Variants in ARL15 observed in about 807,000 individuals in gnomAD.
The protein encoded by ARL15 is ADP-ribosylation factor-like protein 15.
A neutral mutation model predicts 25.2 loss-of-function variants in ARL15; 19 were observed. The observed-to-expected ratio is 0.75, with a 90% CI of 0.53 to 1.10. The LOEUF (loss-of-function observed/expected upper bound fraction) is 1.10, where lower values mean the gene tolerates loss of function less well. ARL15 is among the 50% of genes least tolerant of loss of function. ARL15 has a pLI of 0.00. For missense variants in ARL15, 220 were observed against 246.0 expected (o/e 0.89, Z 0.71); for synonymous variants, 94 against 86.8 (o/e 1.08, Z -0.46).
At chr5:54,179,235 A>T (rs1307700855) in intron 1 of ARL15, among the ~76,000 whole-genome samples, 1 of 152,120 alleles carries the variant, frequency 6.6e-6, no homozygotes, top group Admixed American at 6.5e-5. Context: ...AAGAAAATGT[A>T]CCCGAGAGCT....
At chr5:53,964,370 A>T (rs949002195) in intron 4 of ARL15, among the ~76,000 whole-genome samples, 2 of 151,816 alleles carry the variant, frequency 1.3e-5, no homozygotes, top group African/African-American at 4.8e-5. Flanking sequence ...TTATTTATTT[A>T]TTTTTTTGAG....
At chr5:54,264,908 C>T (rs1193875075) in intron 1 of ARL15, among the ~76,000 whole-genome samples, 1 of 152,050 alleles carries the variant, frequency 6.6e-6, no homozygotes, top group Non-Finnish European at 1.5e-5. Context: ...GTTTACTTAC[C>T]ATCTTTATTG....
At chr5:53,971,938 A>G (rs1561171154) in intron 4 of ARL15, among the ~76,000 whole-genome samples, 1 of 152,238 alleles carries the variant, frequency 6.6e-6, no homozygotes, top group Non-Finnish European at 1.5e-5. Flanking sequence ...ATCATCTATT[A>G]TGCATACTGA....
chr5:54,134,640 A>G (rs1753545568), intron 3 of ARL15, among the ~76,000 whole-genome samples: 1 of 114,998 alleles, frequency 8.7e-6, no homozygotes, highest in Non-Finnish European at 1.6e-5. Flanking sequence ...GCTGGAGTGC[A>G]GTGGCACAAT....
intron 1 of ARL15, among the ~76,000 whole-genome samples, chr5:54,209,219 C>T (rs955770852): frequency 2.6e-5 from 4 of 151,660 alleles, no homozygotes; most frequent in African/African-American, 4.8e-5. Flanking sequence ...GAGAAAAGAG[C>T]GAAATCCTCA....
chr5:53,994,003 T>C (rs1291434429), intron 4 of ARL15, among the ~76,000 whole-genome samples: 1 of 152,196 alleles, frequency 6.6e-6, no homozygotes, highest in East Asian at 1.9e-4. Context: ...AGTAAGTTCA[T>C]GCGTCCTAAC....
chr5:53,961,342 AC>A (rs1300205732), intron 4 of ARL15, among the ~76,000 whole-genome samples: 12 of 151,982 alleles, frequency 7.9e-5, no homozygotes, highest in African/African-American at 2.9e-4. Context: ...TACTAAAAAT[AC>A]AAAAATTAGC....
chr5:53,888,096 C>A (rs1379820443), intron 4 of ARL15, among the ~76,000 whole-genome samples: 1 of 151,428 alleles, frequency 6.6e-6, no homozygotes, highest in Non-Finnish European at 1.5e-5. Flanking sequence ...AAAAAAAAAA[C>A]CTGTGAGAAT....
intron 2 of ARL15, among the ~76,000 whole-genome samples, chr5:54,162,082 G>C (rs1188479333): frequency 6.6e-6 from 1 of 151,744 alleles, no homozygotes; most frequent in Non-Finnish European, 1.5e-5. Context: ...TGGGCAGTAA[G>C]TTTGAAGATG....
intron 4 of ARL15, among the ~76,000 whole-genome samples, chr5:53,904,147 G>T (rs1745164649): frequency 6.6e-6 from 1 of 152,170 alleles, no homozygotes; most frequent in Non-Finnish European, 1.5e-5. Flanking sequence ...AAGCTCTACT[G>T]ATTAGTCTCC....
chr5:53,889,810 G>GTTTTTTTTTTTTTTTTTTTTTTTT (rs35947755), intron 4 of ARL15, among the ~76,000 whole-genome samples: 1 of 135,882 alleles, frequency 7.4e-6, no homozygotes, highest in African/African-American at 2.7e-5. Flanking sequence ...AGTTCTGACT[G>GTTTTTTTTTTTTTTTTTTTTTTTT]TTTTTTTTTT....
At chr5:54,101,560 A>G (rs1470232202) in intron 4 of ARL15, among the ~76,000 whole-genome samples, 1 of 152,142 alleles carries the variant, frequency 6.6e-6, no homozygotes, top group Non-Finnish European at 1.5e-5. Context: ...TAGAGCAGAA[A>G]ACTGTGCTGT....
At chr5:54,167,865 T>C (rs1754618500) in intron 2 of ARL15, among the ~76,000 whole-genome samples, 1 of 152,116 alleles carries the variant, frequency 6.6e-6, no homozygotes, top group Non-Finnish European at 1.5e-5. Flanking sequence ...CAGGTTGGTT[T>C]CCACCTCAAT....
intron 4 of ARL15, among the ~76,000 whole-genome samples, chr5:54,016,818 T>C (rs1157351698): frequency 6.6e-6 from 1 of 152,230 alleles, no homozygotes; most frequent in Non-Finnish European, 1.5e-5. Context: ...TGCCTTATAA[T>C]ACCTTCTAAA....
chr5:54,171,982 C>A, intron 1 of ARL15, 54 bp from the exon 2 acceptor site: 5 of 1,576,470 alleles, frequency 3.2e-6, no homozygotes, highest in Non-Finnish European at 3.5e-6. Context: ...TGGAAATAAA[C>A]CATAGTCACA....
intron 4 of ARL15, among the ~76,000 whole-genome samples, chr5:53,991,536 C>G (rs1181840171): frequency 5.5e-4 from 49 of 88,854 alleles, no homozygotes; most frequent in Admixed American, 5.1e-3. Context: ...GCTCGAAACT[C>G]CATCTCAAAA....
intron 1 of ARL15, among the ~76,000 whole-genome samples, chr5:54,274,821 G>A (rs1757884196): frequency 6.6e-6 from 1 of 152,090 alleles, no homozygotes; most frequent in African/African-American, 2.4e-5. Context: ...TTGAACCCGG[G>A]AGGCAGGGGT....
At chr5:54,045,499 AAAC>A (rs1750476954) in intron 4 of ARL15, among the ~76,000 whole-genome samples, 1 of 152,220 alleles carries the variant, frequency 6.6e-6, no homozygotes. Context: ...CAGATTGTTT[AAAC>A]AACATGTGAC....
At chr5:54,260,097 T>A (rs193134748) in intron 1 of ARL15, among the ~76,000 whole-genome samples, 1 of 152,298 alleles carries the variant, frequency 6.6e-6, no homozygotes, top group East Asian at 1.9e-4. Context: ...GAAAGCACAT[T>A]TATTAAAGCA....
Sources: allele counts gnomAD v4.1 joint callset (sites outside exome capture counted in the v4.1 genomes callset), GRCh38; gene constraint gnomAD v4.1.1; transcripts MANE v1.5; gene names NCBI Gene and HGNC (gene_info 2026-07-23, HGNC 2026-07-21).